The following OR6M1 variants were observed in gnomAD, a reference collection of about 807,000 sequenced individuals.
OR6M1 encodes the protein olfactory receptor 6M1.
For synonymous variants in OR6M1, 167 were observed against 146.3 expected, an observed-to-expected ratio of 1.14 and a Z score of -1.02; for missense variants, 364 against 377.8, an observed-to-expected ratio of 0.96 and a Z score of 0.30.
chr11:123,805,971 G>T lies in OR6M1; in HGVS notation c.379C>A (p.Pro127Thr). 1 of 1,613,800 alleles carries T rather than the reference G, an allele frequency of 6.2e-7. No individual in the cohort carries two copies. The highest frequency in any genetic ancestry group is 8.5e-7 in the Non-Finnish European group (1 of 1,179,908). The change falls in exon 1 of 1, where the codon CCA becomes ACA. Residue 127 changes from proline (P) to threonine (T), a missense_variant. Pro to Thr is a conservative substitution (Grantham distance 38, BLOSUM62 -1). Transcript: ENST00000309154. ...TTCATGATGACCGTGTAGTGCAGTG[G>T]GTCGCAGATAGCCATGTAGCGGTCA... is the stretch of plus-strand genomic sequence containing the variant. The part of the protein sequence containing the change: ...SFDRYMAICD[P>T]LHYTVIMNSR...
In OR6M1 at chr11:123,805,661, C is replaced by T. The variant is rs1175192079; in HGVS notation, c.689G>A (p.Gly230Asp). 3.1e-6 allele frequency: 5 copies of T among 1,613,874 alleles called. No individual in the cohort carries two copies. Among genetic ancestry groups the T allele is most frequent in the Non-Finnish European group, 4.2e-6 (5 of 1,179,936 alleles). ...STILRIPSTQGRQKAFSTCAS... is the reference protein window; with the variant it reads ...STILRIPSTQDRQKAFSTCAS... ...ACAGGTAGAAAAAGCTTTCTGACGG[C>T]CCTGGGTGGAGGGGATACGCAGGAT... Residue 230 changes from glycine to aspartate, a missense_variant, in exon 1 of 1, where the codon GGC (glycine) becomes GAC (aspartate). Gly to Asp is a moderately conservative substitution (Grantham distance 94). Coordinates refer to ENST00000309154, the MANE Select transcript of OR6M1 (RefSeq NM_001005325.1).
chr11:123,806,311 A>C lies in OR6M1; in HGVS notation c.39T>G (p.Ile13Met), dbSNP rs1279218535. ...NWSTVTEITL[I>M]AFPALLEIRI... ...GAATCTCCAGGAGAGCTGGGAAGGC[A>C]ATTAGGGTGATTTCAGTCACAGTGC... Residue 13 changes from isoleucine to methionine, a missense_variant, in exon 1 of 1, where the codon ATT (isoleucine) becomes ATG (methionine). Coordinates refer to ENST00000309154, the MANE Select transcript of OR6M1 (RefSeq NM_001005325.1). 2.5e-6 allele frequency: 4 copies of C among 1,612,542 alleles called. No individual in the cohort carries two copies. Among genetic ancestry groups the C allele is most frequent in the Non-Finnish European group, 3.4e-6 (4 of 1,179,728 alleles).
chr11:123,805,466 TG>T lies in OR6M1; in HGVS notation c.883del (p.Gln295ArgfsTer4). ...FIYSLRNEKV[Q>X]EVLRETVNRI... Reference sequence around the variant, plus strand: ...GTTCACTGTCTCTCTCAACACTTCCTGTACCTTCTCATTCCTCAAGCTGTAG... The same window carrying T: ...GTTCACTGTCTCTCTCAACACTTCCTTACCTTCTCATTCCTCAAGCTGTAG... On this transcript the variant is annotated frameshift_variant, in exon 1 of 1. Coordinates refer to ENST00000309154, the MANE Select transcript of OR6M1 (RefSeq NM_001005325.1). LOFTEE classifies it low-confidence loss of function (END_TRUNC). 1 of 1,614,050 alleles carries T rather than the reference TG, an allele frequency of 6.2e-7. No individual in the cohort carries two copies. Among genetic ancestry groups the T allele is most frequent in the Non-Finnish European group, 8.5e-7 (1 of 1,179,934 alleles).
Position 123,806,073 on chromosome 11 carries a change from CAA to C in OR6M1, c.275_276del (p.Phe92CysfsTer27). ...AAATATGTTTGGATCATGCAACCAG[CAA>C]AAGATATGGTTTTCTCTTCTCCTAG... ...CLLGEEKTIS[F>X]AGCMIQTYFY... On this transcript the variant is annotated frameshift_variant, in exon 1 of 1. Transcript: ENST00000309154. LOFTEE classifies it low-confidence loss of function (END_TRUNC). The C allele has an allele frequency of 6.2e-7, 1 of 1,614,078 alleles. No individual in the cohort carries two copies. The highest frequency in any genetic ancestry group is 8.5e-7 in the Non-Finnish European group (1 of 1,179,998).
chr11:123,805,942 G>A lies in OR6M1; in HGVS notation c.408C>T (p.Ser136=). 2 of 1,613,714 alleles carry A rather than the reference G, an allele frequency of 1.2e-6. No individual in the cohort carries two copies. Among genetic ancestry groups the A allele is most frequent in the South Asian group, 1.1e-5 (1 of 91,026 alleles). The change falls in exon 1 of 1, where the codon AGC becomes AGT. Residue 136 remains serine (S), a synonymous_variant. Transcript: ENST00000309154. ...DPLHYTVIMN[S]RACLLLVLGC... ...CCAGAACCAGCAGAAGGCAGGCCCT[G>A]CTGTTCATGATGACCGTGTAGTGCA...
At position 123,805,613 on chromosome 11, in the gene OR6M1, G is replaced by A; in HGVS notation, c.737C>T (p.Ser246Phe). 2 of 1,613,960 alleles carry A rather than the reference G, an allele frequency of 1.2e-6. No homozygotes were observed. The highest frequency in any genetic ancestry group is 1.7e-6 in the Non-Finnish European group (2 of 1,179,980). Residue 246 changes from serine to phenylalanine, a missense_variant, in exon 1 of 1, where the codon TCC (serine) becomes TTC (phenylalanine). By Grantham distance (155) the Ser-to-Phe change is radical. Coordinates refer to ENST00000309154, the MANE Select transcript of OR6M1 (RefSeq NM_001005325.1). ...AAAGATGTTGCTCCCGTGGGCAATG[G>A]AGACAACAGTGATGTGAGAAGCACA... ...STCASHITVVSIAHGSNIFVY... is the reference protein window; with the variant it reads ...STCASHITVVFIAHGSNIFVY...
In OR6M1 at chr11:123,805,934, C is replaced by T. The variant is rs1188939233; in HGVS notation, c.416G>A (p.Cys139Tyr). 2 of 1,613,498 alleles carry T rather than the reference C, an allele frequency of 1.2e-6. No individual in the cohort carries two copies. The highest frequency in any genetic ancestry group is 2.2e-5 in the East Asian group (1 of 44,866). Residue 139 changes from cysteine (C) to tyrosine (Y), a missense_variant, in exon 1 of 1, where the codon TGC (cysteine) becomes TAC (tyrosine). By Grantham distance (194) the Cys-to-Tyr change is radical (BLOSUM62 -2). Coordinates refer to ENST00000309154, the MANE Select transcript of OR6M1 (RefSeq NM_001005325.1). ...HYTVIMNSRA[C>Y]LLLVLGCWVG... ...CCAGCATCCCAGAACCAGCAGAAGG[C>T]AGGCCCTGCTGTTCATGATGACCGT...
In OR6M1 at chr11:123,805,810, A is replaced by G. The variant is rs138590614; in HGVS notation, c.540T>C (p.Pro180=). The change falls in exon 1 of 1, where the codon CCT becomes CCC. Residue 180 remains proline, a synonymous_variant. Coordinates refer to ENST00000309154, the MANE Select transcript of OR6M1 (RefSeq NM_001005325.1). ...TATTTATACAGGCCACCTGAAGAAGAGGGGCAATGTCACAGAAGAAATGAT... is the reference window on the plus strand; with the variant it reads ...TATTTATACAGGCCACCTGAAGAAGGGGGGCAATGTCACAGAAGAAATGAT... ...EINHFFCDIA[P]LLQVACINTH... 6 of 1,613,874 alleles carry G rather than the reference A, an allele frequency of 3.7e-6. No individual in the cohort carries two copies. The highest frequency in any genetic ancestry group is 5.1e-6 in the Non-Finnish European group (6 of 1,179,966).
chr11:123,806,290 C>CTCCA lies in OR6M1; in HGVS notation c.56_59dup (p.Glu20AspfsTer32). On this transcript the variant is annotated frameshift_variant, in exon 1 of 1. Transcript: ENST00000309154. LOFTEE classifies it low-confidence loss of function (END_TRUNC). ...GAACCACGAAGAGAGATATTCGAAT[C>CTCCA]TCCAGGAGAGCTGGGAAGGCAATTA... The CTCCA allele has an allele frequency of 6.2e-7, 1 of 1,613,816 alleles. No individual in the cohort carries two copies. The highest frequency in any genetic ancestry group is 8.5e-7 in the Non-Finnish European group (1 of 1,179,948).
Position 123,806,156 on chromosome 11 carries a change from G to A in OR6M1, c.194C>T (p.Ser65Phe). The A allele has an allele frequency of 6.2e-7, 1 of 1,614,094 alleles. No homozygotes were observed. Residue 65 changes from serine to phenylalanine, a missense_variant, in exon 1 of 1, where the codon TCC becomes TTC. By Grantham distance (155) the Ser-to-Phe change is radical. Coordinates refer to ENST00000309154, the MANE Select transcript of OR6M1 (RefSeq NM_001005325.1). ...AGTGGTGTATAAGATATCCAGAAAGGACAAATTACTGAGGAAGAAGTACAT... is the reference window on the plus strand; with the variant it reads ...AGTGGTGTATAAGATATCCAGAAAGAACAAATTACTGAGGAAGAAGTACAT... ...TPMYFFLSNL[S>F]FLDILYTTVI... is the part of the protein sequence containing the mutation.
At position 123,805,429 on chromosome 11, in the gene OR6M1, G is replaced by A. The variant is rs753562902; in HGVS notation, c.921C>T (p.Thr307=). ...AGTGTCAAGTTTTCCTTTGTATCAA[G>A]GTCATGATTCTGTTCACTGTCTCTC... ...VLRETVNRIM[T]LIQRKT The change falls in exon 1 of 1, where the codon ACC becomes ACT. Residue 307 remains threonine, a synonymous_variant. Transcript: ENST00000309154. 5 of 1,608,730 alleles carry A rather than the reference G, an allele frequency of 3.1e-6. No homozygotes were observed. Among genetic ancestry groups the A allele is most frequent in the South Asian group, 2.2e-5 (2 of 90,342 alleles).
chr11:123,805,634 G>T lies in OR6M1; in HGVS notation c.716C>A (p.Ala239Asp). 1 of 1,613,974 alleles carries T rather than the reference G, an allele frequency of 6.2e-7. No homozygotes were observed. Among genetic ancestry groups the T allele is most frequent in the Non-Finnish European group, 8.5e-7 (1 of 1,179,956 alleles). ...QGRQKAFSTC[A>D]SHITVVSIAH... ...AATGGAGACAACAGTGATGTGAGAA[G>T]CACAGGTAGAAAAAGCTTTCTGACG... Residue 239 changes from alanine (A) to aspartate (D), a missense_variant, in exon 1 of 1, where the codon GCT becomes GAT. By Grantham distance (126) the Ala-to-Asp change is moderately radical. Transcript: ENST00000309154.
Position 123,805,476 on chromosome 11 carries a change from C to T in OR6M1, c.874G>A (p.Glu292Lys). ...TCTCTCAACACTTCCTGTACCTTCTCATTCCTCAAGCTGTAGATAAAAGGG... is the reference window on the plus strand; with the variant it reads ...TCTCTCAACACTTCCTGTACCTTCTTATTCCTCAAGCTGTAGATAAAAGGG... ...LNPFIYSLRN[E>K]KVQEVLRETV... The change falls in exon 1 of 1, where the codon GAG becomes AAG. Residue 292 changes from glutamate to lysine, a missense_variant. By Grantham distance (56) the Glu-to-Lys change is moderately conservative. Transcript: ENST00000309154. 6.2e-7 allele frequency: 1 copy of T among 1,614,048 alleles called. No individual in the cohort carries two copies. The highest frequency in any genetic ancestry group is 8.5e-7 in the Non-Finnish European group (1 of 1,179,964).
At position 123,805,777 on chromosome 11, in the gene OR6M1, G is replaced by T. The variant is rs750660479; in HGVS notation, c.573C>A (p.Leu191=). The T allele has an allele frequency of 2.5e-6, 4 of 1,613,934 alleles. No homozygotes were observed. The highest frequency in any genetic ancestry group is 3.4e-6 in the Non-Finnish European group (4 of 1,179,886). ...AGAGGAGAAAGTTTATCTTCTCAAT[G>T]AGGTGAGTATTTATACAGGCCACCT... ...LLQVACINTH[L]IEKINFLLSA... The change falls in exon 1 of 1, where the codon CTC becomes CTA. Residue 191 remains leucine (L), a synonymous_variant. Transcript: ENST00000309154.
Position 123,805,824 on chromosome 11 carries a change from A to G in OR6M1, c.526T>C (p.Cys176Arg), listed in dbSNP as rs1303920802. The G allele has an allele frequency of 4.3e-6, 7 of 1,613,940 alleles. No individual in the cohort carries two copies. The highest frequency in any genetic ancestry group is 1.3e-5 in the African/African-American group (1 of 74,910). Reference protein sequence around the residue: ...YCRKEINHFFCDIAPLLQVAC... With the variant: ...YCRKEINHFFRDIAPLLQVAC... The stretch of plus-strand genomic sequence containing the variant: ...ACCTGAAGAAGAGGGGCAATGTCAC[A>G]GAAGAAATGATTAATTTCTTTCCTA... The change falls in exon 1 of 1, where the codon TGT becomes CGT. Residue 176 changes from cysteine to arginine, a missense_variant. Coordinates refer to ENST00000309154, the MANE Select transcript of OR6M1 (RefSeq NM_001005325.1).
At position 123,805,507 on chromosome 11, in the gene OR6M1, G is replaced by C. The variant is rs1367527978; in HGVS notation, c.843C>G (p.Leu281=). The change falls in exon 1 of 1, where the codon CTC becomes CTG. Residue 281 remains leucine, a synonymous_variant. Transcript: ENST00000309154. ...TCAAGCTGTAGATAAAAGGGTTCAG[G>C]AGAGGGGTCACCACTGTGATGAGGA... is the stretch of plus-strand genomic sequence containing the variant. ...AAVLITVVTP[L]LNPFIYSLRN... The C allele has an allele frequency of 6.2e-7, 1 of 1,613,900 alleles. No homozygotes were observed. The highest frequency in any genetic ancestry group is 1.7e-5 in the Admixed American group (1 of 59,978).
rs199501851 is a variant in OR6M1 at position 123,806,082 on chromosome 11, T to A, written c.268A>T (p.Ile90Leu). 6.2e-7 allele frequency: 1 copy of A among 1,614,144 alleles called. No individual in the cohort carries two copies. Among genetic ancestry groups the A allele is most frequent in the South Asian group, 1.1e-5 (1 of 91,080 alleles). Reference sequence around the variant, plus strand: ...TGGATCATGCAACCAGCAAAAGATATGGTTTTCTCTTCTCCTAGGAGGCAG... The same window carrying A: ...TGGATCATGCAACCAGCAAAAGATAAGGTTTTCTCTTCTCCTAGGAGGCAG... Reference protein sequence around the residue: ...LACLLGEEKTISFAGCMIQTY... With the variant: ...LACLLGEEKTLSFAGCMIQTY... Residue 90 changes from isoleucine to leucine, a missense_variant, in exon 1 of 1, where the codon ATA becomes TTA. Ile to Leu is a conservative substitution (Grantham distance 5). Transcript: ENST00000309154.
rs146323111 is a variant in OR6M1 at position 123,805,568 on chromosome 11, T to C, written c.782A>G (p.Gln261Arg). ...SNIFVYVRPN[Q>R]NSSLDYDKVA... ...CTTGTCATAATCCAGTGAGGAGTTCTGATTGGGTCTCACATACACAAAGAT... is the reference window on the plus strand; with the variant it reads ...CTTGTCATAATCCAGTGAGGAGTTCCGATTGGGTCTCACATACACAAAGAT... The change falls in exon 1 of 1, where the codon CAG becomes CGG. Residue 261 changes from glutamine to arginine, a missense_variant. Coordinates refer to ENST00000309154, the MANE Select transcript of OR6M1 (RefSeq NM_001005325.1). The C allele has an allele frequency of 1.2e-6, 2 of 1,614,038 alleles. No individual in the cohort carries two copies. The highest frequency in any genetic ancestry group is 1.7e-6 in the Non-Finnish European group (2 of 1,179,986).
chr11:123,805,702 C>CACGTAGGACCCAGT lies in OR6M1; in HGVS notation c.634_647dup (p.Tyr217LeufsTer7). The CACGTAGGACCCAGT allele has an allele frequency of 6.2e-7, 1 of 1,614,008 alleles. No homozygotes were observed. The highest frequency in any genetic ancestry group is 8.5e-7 in the Non-Finnish European group (1 of 1,179,996). On this transcript the variant is annotated frameshift_variant, in exon 1 of 1. Transcript: ENST00000309154. LOFTEE classifies it low-confidence loss of function (END_TRUNC). ...TACGCAGGATGGTAGAAATTATGTA[C>CACGTAGGACCCAGT]ACGTAGGACCCAGTAGTGAATGCCA...
Sources: gnomAD v4.1 joint callset for allele counts on GRCh38, gnomAD v4.1.1 for gene constraint, MANE v1.5 for transcripts, NCBI Gene and HGNC (gene_info 2026-07-23, HGNC 2026-07-21) for gene names.